The following HUNK variants were observed in gnomAD, a reference collection of about 807,000 sequenced individuals.
HUNK encodes hormonally up-regulated neu tumor-associated kinase.
A neutral mutation model predicts 61.0 loss-of-function variants in HUNK; 21 were observed. That is an observed-to-expected ratio of 0.34 (90% CI 0.24 to 0.50). The LOEUF is 0.50. Among genes scored for constraint, HUNK ranks in the 20% least tolerant of loss-of-function variants. The probability of loss-of-function intolerance (pLI) is 0.98; values close to 1 mark genes in which losing one functional copy is unlikely to be tolerated. For synonymous variants in HUNK, 371 were observed against 386.1 expected (o/e 0.96, Z 0.46); for missense variants, 772 against 945.7 (o/e 0.82, Z 2.41).
In HUNK at chr21:31,912,998, T is replaced by G. The variant is rs139361850; in HGVS notation, c.262-11470T>G. Reference sequence around the variant, plus strand: ...GCAGTAGTAGAGATGGCCAAGAACTTATACTGGCCTCCTGTAGTGCCCTGG... The same window carrying G: ...GCAGTAGTAGAGATGGCCAAGAACTGATACTGGCCTCCTGTAGTGCCCTGG... On this transcript the variant is annotated intron_variant, in intron 1 of 10. Coordinates refer to ENST00000270112, the MANE Select transcript of HUNK (RefSeq NM_014586.2). Among the ~76,000 whole-genome samples, 345 of 152,346 alleles carry G rather than the reference T, an allele frequency of 2.3e-3. 3 individuals carry two copies. The highest frequency in any genetic ancestry group is 8.1e-3 in the African/African-American group (335 of 41,590).
At chr21:31,951,973 TGA>T (rs968944635) in intron 4 of HUNK, among the ~76,000 whole-genome samples, 12 of 152,080 alleles carry the variant, frequency 7.9e-5, no homozygotes, top group Admixed American at 5.9e-4. Flanking sequence ...TTTTGACTTT[TGA>T]GAGAGAGGTT....
intron 1 of HUNK, among the ~76,000 whole-genome samples, chr21:31,900,446 A>AAC (rs3138690): frequency 0.033 from 4,662 of 143,098 alleles, 106 homozygotes; most frequent in Non-Finnish European, 0.043. Flanking sequence ...TAGTTACTGA[A>AAC]ACACACACAC....
intron 1 of HUNK, among the ~76,000 whole-genome samples, chr21:31,876,748 C>T (rs895576359): frequency 1.3e-5 from 2 of 152,154 alleles, no homozygotes. Flanking sequence ...TCATTAATTC[C>T]TCTTTTCTTG....
At position 32,000,711 on chromosome 21, in the gene HUNK, C is replaced by T. The variant is rs2053240210; in HGVS notation, c.*1527C>T. On this transcript the variant is annotated 3_prime_UTR_variant, in exon 11 of 11. Transcript: ENST00000270112. ...GAATTGCAAAGCCAGCCTTTATTTC[C>T]CTGGCAGGCAGCCTTGCCAGAAGGC... 7.5e-6 allele frequency: 3 copies of T among 398,582 alleles called. No homozygotes were observed. Among genetic ancestry groups the T allele is most frequent in the South Asian group, 2.5e-4 (2 of 7,864 alleles). 24.7% of individuals were successfully genotyped at this position (398,582 alleles called of 1,614,324 possible).
intron 8 of HUNK, among the ~76,000 whole-genome samples, chr21:31,984,795 T>C (rs527941292): frequency 6.6e-6 from 1 of 152,252 alleles, no homozygotes; most frequent in South Asian, 2.1e-4. Context: ...GTCCCCTGAG[T>C]GTCCTTGCCA....
At chr21:31,947,321 C>T (rs112374158) in intron 4 of HUNK, among the ~76,000 whole-genome samples, 2,401 of 139,616 alleles carry the variant, frequency 0.017, 145 homozygotes, top group African/African-American at 0.068. Context: ...TCCCACATCC[C>T]GGTCTCAAGC....
chr21:31,890,341 G>A (rs1392000748), intron 1 of HUNK, among the ~76,000 whole-genome samples: 1 of 151,694 alleles, frequency 6.6e-6, no homozygotes, highest in Non-Finnish European at 1.5e-5. Flanking sequence ...CGATTCTCCT[G>A]CATCAGGCTT....
intron 1 of HUNK, among the ~76,000 whole-genome samples, chr21:31,923,183 C>A (rs540240749): frequency 2.6e-5 from 4 of 152,278 alleles, no homozygotes; most frequent in Non-Finnish European, 2.9e-5. Flanking sequence ...GTGACTCACG[C>A]CTTTGACGCC....
At chr21:31,892,166 T>C (rs573091145) in intron 1 of HUNK, among the ~76,000 whole-genome samples, 1 of 113,286 alleles carries the variant, frequency 8.8e-6, no homozygotes, top group Non-Finnish European at 1.8e-5. Context: ...AAAAAAAATA[T>C]ATATATATAT....
chr21:31,874,036 G>C, intron 1 of HUNK, 101 bp downstream of exon 1: 1 of 895,514 alleles, frequency 1.1e-6, no homozygotes, highest in Non-Finnish European at 1.5e-6. Flanking sequence ...GTGCAGTCCC[G>C]GGCCAAGCGC....
intron 7 of HUNK, among the ~76,000 whole-genome samples, chr21:31,978,621 T>C (rs1048976839): frequency 6.6e-6 from 1 of 152,200 alleles, no homozygotes; most frequent in Non-Finnish European, 1.5e-5. Flanking sequence ...TAGCATAATG[T>C]CCTCTAGGTT....
intron 8 of HUNK, among the ~76,000 whole-genome samples, chr21:31,988,527 G>A (rs2053148974): frequency 6.6e-6 from 1 of 151,966 alleles, no homozygotes; most frequent in Admixed American, 6.6e-5. Context: ...CTGGAGGCCA[G>A]GTTCAGGGCT....
chr21:31,892,209 A>AGTGT lies in HUNK; in HGVS notation c.261+18293_261+18296dup, dbSNP rs1302324059. Among the ~76,000 whole-genome samples the AGTGT allele has an allele frequency of 1.3e-3, 148 of 114,282 alleles. 1 individual carries two copies. Among genetic ancestry groups the AGTGT allele is most frequent in the African/African-American group, 4.2e-3 (124 of 29,646 alleles). 75.0% of individuals were successfully genotyped at this position (114,282 alleles called of 152,430 possible). A position where few individuals can be genotyped will look rare whatever the true frequency, so the allele number is the denominator to read the frequency against. ...GAGAGAGAGAGAGAGAGAGAGAGAG[A>AGTGT]GTGTGTGTGTGTGTGTGTGTGTACA... is the stretch of plus-strand genomic sequence containing the variant. On this transcript the variant is annotated intron_variant, in intron 1 of 10. Transcript: ENST00000270112.
chr21:31,948,120 G>T (rs1463705965), intron 4 of HUNK, among the ~76,000 whole-genome samples: 1 of 152,216 alleles, frequency 6.6e-6, no homozygotes, highest in Non-Finnish European at 1.5e-5. Context: ...GCTGCTAAGT[G>T]GTAGAGTGGG....
chr21:31,961,119 A>G (rs2052924873), intron 5 of HUNK, among the ~76,000 whole-genome samples: 1 of 152,112 alleles, frequency 6.6e-6, no homozygotes, highest in Non-Finnish European at 1.5e-5. Flanking sequence ...TGCTCTCCCT[A>G]AGCCCTGTCA....
chr21:31,990,611 C>A (rs929422553), intron 9 of HUNK, among the ~76,000 whole-genome samples: 4 of 151,826 alleles, frequency 2.6e-5, no homozygotes, highest in Non-Finnish European at 5.9e-5. Context: ...TCTTGGCTCA[C>A]TGCAACCTCC....
intron 6 of HUNK, among the ~76,000 whole-genome samples, chr21:31,969,989 C>G (rs1568937935): frequency 6.6e-6 from 1 of 152,184 alleles, no homozygotes; most frequent in South Asian, 2.1e-4. Context: ...TCAGTACCTT[C>G]CAAGACTGGG....
intron 1 of HUNK, among the ~76,000 whole-genome samples, chr21:31,900,479 A>ACACACACAC (rs57151018): frequency 7.9e-5 from 12 of 151,590 alleles, no homozygotes; most frequent in South Asian, 2.1e-4. Flanking sequence ...ACACACACAC[A>ACACACACAC]AACTCTACTG....
rs968631722 is a variant in HUNK, at chr21:32,003,816, A to C, written c.*4632A>C. The C allele has an allele frequency of 7.2e-5, 11 of 152,196 alleles. No individual in the cohort carries two copies. Among genetic ancestry groups the C allele is most frequent in the African/African-American group, 2.7e-4 (11 of 41,442 alleles). 9.4% of individuals were successfully genotyped at this position (152,196 alleles called of 1,614,324 possible). A position where few individuals can be genotyped will look rare whatever the true frequency, so the allele number is the denominator to read the frequency against. On this transcript the variant is annotated 3_prime_UTR_variant, in exon 11 of 11. Coordinates refer to ENST00000270112, the MANE Select transcript of HUNK (RefSeq NM_014586.2). ...ACTAAGGGACTGAGGTTGGGGGAGA[A>C]AGCTGAGGAGGCTTTGGAAGAGAAG...
Sources: gnomAD v4.1 joint callset for allele counts (sites outside exome capture counted in the v4.1 genomes callset) on GRCh38, gnomAD v4.1.1 for gene constraint, MANE v1.5 for transcripts, NCBI Gene and HGNC (gene_info 2026-07-23, HGNC 2026-07-21) for gene names.